Variants in FAM193B observed in about 807,000 individuals in gnomAD.
FAM193B encodes protein FAM193B.
FAM193B carries 27 observed loss-of-function variants against 70.7 expected under a neutral mutation model. The ratio of observed to expected loss-of-function variants is 0.38; its 90% confidence interval spans 0.28 to 0.53. FAM193B has a LOEUF of 0.53. Ranked by LOEUF, FAM193B falls within the 20% of genes least tolerant of loss-of-function variation. The pLI is 0.81. For synonymous variants in FAM193B, 448 were observed against 436.0 expected (o/e 1.03, Z -0.34); for missense variants, 1,022 against 1,072.5 (o/e 0.95, Z 0.66).
intron 7 of FAM193B, chr5:177,523,367 T>C (rs1302077898): frequency 4.2e-6 from 1 of 238,946 alleles, no homozygotes; most frequent in Non-Finnish European, 8.9e-6. Context: ...GTTTTGTTTT[T>C]TTTCCTGAAT....
In FAM193B at chr5:177,532,443, C is replaced by T. The variant is rs1435181197; in HGVS notation, c.1275G>A (p.Ala425=). 4 of 1,608,846 alleles carry T rather than the reference C, an allele frequency of 2.5e-6. No individual in the cohort carries two copies. Among genetic ancestry groups the T allele is most frequent in the Non-Finnish European group, 2.5e-6 (3 of 1,178,070 alleles). Residue 425 remains alanine (A), a splice_region_variant and synonymous_variant, in exon 5 of 9, where the codon GCG becomes GCA. Transcript: ENST00000514747. This position sits in a 1 kb window ranked among gnomAD's most constrained non-coding sequence, Gnocchi z 4.9. ...CCYCEFFGHN[A]EKEKAQLAAE... is the part of the protein sequence containing the mutation. ...CTCTAGCCTGGGCAGGCTCACTCAC[C>T]GCATTGTGGCCGAAGAACTCACAGT...
chr5:177,551,396 T>C (rs1030985496), intron 1 of FAM193B, among the ~76,000 whole-genome samples: 23 of 152,340 alleles, frequency 1.5e-4, no homozygotes, highest in African/African-American at 3.4e-4. Context: ...CCTGAAACAA[T>C]TGAAAGCCAT....
Position 177,525,115 on chromosome 5 carries a change from G to A in FAM193B, c.1366C>T (p.Leu456Phe), listed in dbSNP as rs773406068. 6.3e-7 allele frequency: 1 copy of A among 1,577,134 alleles called. No individual in the cohort carries two copies. The highest frequency in any genetic ancestry group is 8.6e-7 in the Non-Finnish European group (1 of 1,162,830). ...SREPRPARER[L>F]LEWPDRELDR... The stretch of plus-strand genomic sequence containing the variant: ...AGTTCCCGGTCGGGCCACTCCAAGA[G>A]CCTCTCCCTGGCAGGCCTTGGCTCC... Residue 456 changes from leucine to phenylalanine, a missense_variant, in exon 6 of 9, where the codon CTC (leucine) becomes TTC (phenylalanine). Transcript: ENST00000514747.
At chr5:177,546,887 G>A (rs1458195068) in intron 1 of FAM193B, among the ~76,000 whole-genome samples, 2 of 152,170 alleles carry the variant, frequency 1.3e-5, no homozygotes, top group Non-Finnish European at 2.9e-5. Context: ...TGGGTGCAAT[G>A]AGCCACAAGG....
intron 1 of FAM193B, chr5:177,553,572 T>C (rs1766591073): frequency 8.6e-7 from 1 of 1,165,524 alleles, no homozygotes; most frequent in Middle Eastern, 3.3e-4. Flanking sequence ...GGAATCCTCC[T>C]ACTGTTCGCT....
In FAM193B at chr5:177,538,018, C is replaced by T. The variant is rs564564302; in HGVS notation, c.543G>A (p.Ser181=). 20 of 1,555,718 alleles carry T rather than the reference C, an allele frequency of 1.3e-5. No homozygotes were observed. The highest frequency in any genetic ancestry group is 2.4e-5 in the East Asian group (1 of 41,336). The change falls in exon 3 of 9, where the codon TCG becomes TCA. Residue 181 remains serine, a synonymous_variant. Transcript: ENST00000514747. This position sits in a 1 kb window ranked among gnomAD's most constrained non-coding sequence, Gnocchi z 4.1. ...AGTTCCCAGGGCAGGAAGAGGAGGA[C>T]GAGGATGAGGATGATGAGGAGGAAG... The part of the protein sequence containing the change: ...SSSSSSSSSS[S]SSSSCPGNSG...
In FAM193B at chr5:177,525,342, C is replaced by G. The variant is rs554578056; in HGVS notation, c.1276-137G>C. The G allele has an allele frequency of 1.3e-5, 12 of 908,910 alleles. No individual in the cohort carries two copies. The Admixed American group carries it at 1.6e-4, about 12-fold the overall frequency. 56.3% of individuals were successfully genotyped at this position (908,910 alleles called of 1,614,324 possible). On this transcript the variant is annotated intron_variant, in intron 5 of 8. Transcript: ENST00000514747. ...GCCTTAAAATCCTAGCCTGCTTACC[C>G]ACCCTGCAGGAGTGAGGGCAAACTG...
At chr5:177,525,430 A>C in intron 5 of FAM193B, 1 of 403,144 alleles carries the variant, frequency 2.5e-6, no homozygotes, top group Non-Finnish European at 4.3e-6. Flanking sequence ...TAGGGTTTTT[A>C]CAGCTTGTTC....
At chr5:177,543,070 G>A (rs1014148118) in intron 1 of FAM193B, among the ~76,000 whole-genome samples, 3 of 152,156 alleles carry the variant, frequency 2.0e-5, no homozygotes, top group Non-Finnish European at 2.9e-5. Context: ...AATCTTAACC[G>A]CGTTAAGAGT....
chr5:177,545,658 CAAA>C (rs35116415), intron 1 of FAM193B, among the ~76,000 whole-genome samples: 30 of 119,040 alleles, frequency 2.5e-4, no homozygotes, highest in South Asian at 5.5e-4. Flanking sequence ...GAGCCTGTCT[CAAA>C]AAAAAAAAAA....
chr5:177,553,896 A>G, intron 1 of FAM193B: 2 of 1,230,526 alleles, frequency 1.6e-6, no homozygotes, highest in South Asian at 2.9e-5. Flanking sequence ...TGGCTGAGGG[A>G]GCAGGTGGGC....
intron 3 of FAM193B, among the ~76,000 whole-genome samples, chr5:177,537,216 T>A (rs1454464754): frequency 6.6e-6 from 1 of 152,214 alleles, no homozygotes; most frequent in African/African-American, 2.4e-5. Context: ...CTCTAGCTTA[T>A]GTACCAAAAT....
intron 1 of FAM193B, 178 bp downstream of exon 1, chr5:177,554,071 G>T: frequency 2.9e-6 from 4 of 1,372,870 alleles, no homozygotes; most frequent in Non-Finnish European, 3.8e-6. Flanking sequence ...TCGGCTTTGG[G>T]GAGAGGGGTC....
Position 177,536,662 on chromosome 5 carries a change from G to A in FAM193B, c.772C>T (p.Pro258Ser). 6.4e-7 allele frequency: 1 copy of A among 1,563,078 alleles called. No homozygotes were observed. The highest frequency in any genetic ancestry group is 8.6e-7 in the Non-Finnish European group (1 of 1,159,936). The change falls in exon 4 of 9, where the codon CCA becomes TCA. Residue 258 changes from proline to serine, a missense_variant. By Grantham distance (74) the Pro-to-Ser change is moderately conservative. Transcript: ENST00000514747. ...PNSPTGHHPQ[P>S]ASLIPSHPSS... ...GGGTGAGACGGGATTAGAGATGCTG[G>A]CTGCGGGTGGTGGCCGGTGGGGCTG...
Position 177,554,065 on chromosome 5 carries a change from C to T in FAM193B, c.210+184G>A, listed in dbSNP as rs2127498964. On this transcript the variant is annotated intron_variant, in intron 1 of 8. Coordinates refer to ENST00000514747, the MANE Select transcript of FAM193B (RefSeq NM_001190946.3). ...CGCAGGAGCGCGGACCGAGCCTCGG[C>T]TTTGGGGAGAGGGGTCCAGCCTCCA... 9 of 1,366,572 alleles carry T rather than the reference C, an allele frequency of 6.6e-6. No homozygotes were observed. In the South Asian group the frequency reaches 1.4e-4, roughly 21 times the overall value. 84.7% of individuals were successfully genotyped at this position (1,366,572 alleles called of 1,614,324 possible). A position where few individuals can be genotyped will look rare whatever the true frequency, so the allele number is the denominator to read the frequency against.
Position 177,538,232 on chromosome 5 carries a change from A to G in FAM193B, c.454-125T>C. On this transcript the variant is annotated intron_variant, in intron 2 of 8. Coordinates refer to ENST00000514747, the MANE Select transcript of FAM193B (RefSeq NM_001190946.3). This position sits in a 1 kb window ranked among gnomAD's most constrained non-coding sequence, Gnocchi z 4.1. ...GACCATGTGCCATAGCAAAAACACA[A>G]TTAATACAACTCCAGCTATAAGAAC... The G allele has an allele frequency of 1.0e-6, 1 of 963,492 alleles. No individual in the cohort carries two copies. Among genetic ancestry groups the G allele is most frequent in the Non-Finnish European group, 1.5e-6 (1 of 663,680 alleles). 59.7% of individuals were successfully genotyped at this position (963,492 alleles called of 1,614,324 possible).
intron 1 of FAM193B, among the ~76,000 whole-genome samples, chr5:177,546,607 ACAATCAGAG>A (rs1216262624): frequency 6.6e-6 from 1 of 152,212 alleles, no homozygotes; most frequent in East Asian, 1.9e-4. Flanking sequence ...TCTAATGCTG[ACAATCAGAG>A]CTGCAGTTAA....
chr5:177,550,499 TG>T (rs1766069036), intron 1 of FAM193B, among the ~76,000 whole-genome samples: 1 of 152,226 alleles, frequency 6.6e-6, no homozygotes, highest in Admixed American at 6.5e-5. Flanking sequence ...GAGGGAACAG[TG>T]GAAGAATCGG....
chr5:177,551,003 T>TG (rs1210895241), intron 1 of FAM193B, among the ~76,000 whole-genome samples: 1 of 149,300 alleles, frequency 6.7e-6, no homozygotes, highest in African/African-American at 2.5e-5. Context: ...AAGTTTTGAT[T>TG]TTTTTTTTTT....
Sources: allele counts gnomAD v4.1 joint callset (sites outside exome capture counted in the v4.1 genomes callset), GRCh38; gene constraint gnomAD v4.1.1; non-coding constraint Gnocchi (gnomAD v3.1); transcripts MANE v1.5; gene names NCBI Gene and HGNC (gene_info 2026-07-23, HGNC 2026-07-21).